The following UBE2J2 variants were observed in gnomAD, a reference collection of about 807,000 sequenced individuals.
UBE2J2 encodes ubiquitin conjugating enzyme E2 J2.
A neutral mutation model predicts 28.6 loss-of-function variants in UBE2J2; 5 were observed. The ratio of observed to expected loss-of-function variants is 0.17; its 90% CI spans 0.09 to 0.37. UBE2J2 has a LOEUF of 0.37. Ranked by LOEUF, UBE2J2 falls within the 10% of genes least tolerant of loss-of-function variation. The pLI, the probability that UBE2J2 is intolerant of heterozygous loss-of-function variation, is 1.00. For missense variants in UBE2J2, 226 were observed against 338.9 expected, an observed-to-expected ratio of 0.67 and a Z score of 2.62; for synonymous variants, 138 against 139.7, an observed-to-expected ratio of 0.99 and a Z score of 0.09.
In UBE2J2 at chr1:1,262,790, G is replaced by A. The variant is rs1276286560; in HGVS notation, c.172+556C>T. The A allele has an allele frequency of 2.3e-5, 4 of 175,360 alleles. No homozygotes were observed. In the East Asian group the frequency reaches 5.9e-4, roughly 26 times the overall value. 10.9% of individuals were successfully genotyped at this position (175,360 alleles called of 1,614,324 possible). On this transcript the variant is annotated intron_variant, in intron 3 of 6. Transcript: ENST00000349431. ...GCATCTTCTCTATAAATGACACTAG[G>A]TCTCTAGGTGGTGTCTGCTGACCTG... is the stretch of plus-strand genomic sequence containing the variant.
Position 1,262,122 on chromosome 1 carries a change from G to C in UBE2J2, c.172+1224C>G, listed in dbSNP as rs1253927162. ...TCCGCCCACCTCAGCCTCCCAAAGT[G>C]CTGGAATTACAGGCGTGAGCCACCG... is the stretch of plus-strand genomic sequence containing the variant. On this transcript the variant is annotated intron_variant, in intron 3 of 6. Coordinates refer to ENST00000349431, the MANE Select transcript of UBE2J2 (RefSeq NM_058167.3). 1.2e-5 allele frequency: 4 copies of C among 328,464 alleles called. No homozygotes were observed. In the East Asian group the frequency reaches 3.5e-4, roughly 29 times the overall value. The allele number at this position is 328,464 out of a possible 1,614,324, so 20.3% of individuals were successfully genotyped here.
chr1:1,260,469 C>T (rs549159100), intron 3 of UBE2J2, among the ~76,000 whole-genome samples: 5 of 152,034 alleles, frequency 3.3e-5, no homozygotes, highest in South Asian at 4.1e-4. Flanking sequence ...GGGAGACGGG[C>T]GCCCTGCTGC....
intron 3 of UBE2J2, among the ~76,000 whole-genome samples, chr1:1,262,605 C>T (rs1639628025): frequency 6.6e-6 from 1 of 152,252 alleles, no homozygotes; most frequent in African/African-American, 2.4e-5. Context: ...CCACCTGAAG[C>T]CGGGGCCCTG....
rs41303853 is a variant in UBE2J2, at chr1:1,255,305, G to A, written c.678C>T (p.His226=). 8.1e-3 allele frequency: 13,080 copies of A among 1,613,728 alleles called. 133 individuals are homozygous for A. Among genetic ancestry groups the A allele is most frequent in the Admixed American group, 0.042 (2,522 of 60,020 alleles). The change falls in exon 7 of 7, where the codon CAC becomes CAT. Residue 226 remains histidine (H), a synonymous_variant. Transcript: ENST00000349431. ...TCGCCAGGGCGCCACCCAGGAGTCCGTGGTGCCGGTTGGCCTGCTGGAGCC... is the reference window on the plus strand; with the variant it reads ...TCGCCAGGGCGCCACCCAGGAGTCCATGGTGCCGGTTGGCCTGCTGGAGCC... ...LAGLQQANRH[H]GLLGGALANL...
At chr1:1,267,545 G>T (rs1014155634) in intron 2 of UBE2J2, among the ~76,000 whole-genome samples, 1 of 152,122 alleles carries the variant, frequency 6.6e-6, no homozygotes, top group Non-Finnish European at 1.5e-5. Context: ...CTCCCCTAAG[G>T]ACCCCACACC....
intron 2 of UBE2J2, among the ~76,000 whole-genome samples, chr1:1,266,718 T>C (rs968205891): frequency 5.9e-5 from 9 of 151,292 alleles, no homozygotes; most frequent in African/African-American, 2.2e-4. Context: ...TCCCAGCTAC[T>C]TGGGAAACTG....
intron 3 of UBE2J2, among the ~76,000 whole-genome samples, chr1:1,261,534 G>C (rs751488801): frequency 2.0e-5 from 3 of 152,074 alleles, no homozygotes; most frequent in Non-Finnish European, 4.4e-5. Context: ...AGGGAGACTG[G>C]GTGTGGATAC....
chr1:1,265,783 C>T (rs868752566), intron 2 of UBE2J2, among the ~76,000 whole-genome samples: 2 of 151,990 alleles, frequency 1.3e-5, no homozygotes, highest in East Asian at 3.9e-4. Context: ...TACAGGCGTG[C>T]GCCACCATAC....
At chr1:1,271,929 A>G (rs1640163926) in intron 1 of UBE2J2, among the ~76,000 whole-genome samples, 1 of 148,086 alleles carries the variant, frequency 6.8e-6, no homozygotes, top group Non-Finnish European at 1.5e-5. Context: ...GGCCAAGATC[A>G]AGCCATTGCA....
chr1:1,263,376 C>T lies in UBE2J2; in HGVS notation c.142G>A (p.Val48Ile), dbSNP rs377133230. Residue 48 changes from valine (V) to isoleucine (I), a missense_variant, in exon 3 of 7, where the codon GTC becomes ATC. Val to Ile is a conservative substitution (Grantham distance 29). Coordinates refer to ENST00000349431, the MANE Select transcript of UBE2J2 (RefSeq NM_058167.3). Reference sequence around the variant, plus strand: ...TAAGGGGTCATCTCTGGGCCTCGGACGACATAGTGCCTAAGGGAGAGAAGA... The same window carrying T: ...TAAGGGGTCATCTCTGGGCCTCGGATGACATAGTGCCTAAGGGAGAGAAGA... Reference protein sequence around the residue: ...PSNILEWHYVVRGPEMTPYEG... With the variant: ...PSNILEWHYVIRGPEMTPYEG... 9 of 1,613,106 alleles carry T rather than the reference C, an allele frequency of 5.6e-6. No homozygotes were observed. The highest frequency in any genetic ancestry group is 5.3e-5 in the African/African-American group (4 of 74,902).
chr1:1,262,679 C>T (rs1639632654), intron 3 of UBE2J2, among the ~76,000 whole-genome samples: 1 of 152,194 alleles, frequency 6.6e-6, no homozygotes, highest in Non-Finnish European at 1.5e-5. Context: ...GGACAGTATT[C>T]ACGGGCACAC....
chr1:1,262,475 C>T (rs1287654630), intron 3 of UBE2J2: 2 of 365,636 alleles, frequency 5.5e-6, no homozygotes, highest in African/African-American at 2.1e-5. Context: ...CTTACCCACC[C>T]ACAACCCTCC....
At position 1,267,642 on chromosome 1, in the gene UBE2J2, C is replaced by A. The variant is rs1208403918; in HGVS notation, c.131+220G>T. On this transcript the variant is annotated intron_variant, in intron 2 of 6. Coordinates refer to ENST00000349431, the MANE Select transcript of UBE2J2 (RefSeq NM_058167.3). ...ACCGGAGATTCTCTCCAGCCCCAGC[C>A]TGAGTCAAGCATGGCTCTGTGATGT... The A allele has an allele frequency of 1.5e-5, 18 of 1,228,174 alleles. No homozygotes were observed. The South Asian group carries it at 3.0e-4, about 21-fold the overall frequency. The allele number at this position is 1,228,174 out of a possible 1,614,324, so 76.1% of individuals were successfully genotyped here. A position where few individuals can be genotyped will look rare whatever the true frequency, so the allele number is the denominator to read the frequency against.
At chr1:1,272,403 C>T (rs1405685387) in intron 1 of UBE2J2, among the ~76,000 whole-genome samples, 1 of 152,248 alleles carries the variant, frequency 6.6e-6, no homozygotes, top group Non-Finnish European at 1.5e-5. Context: ...CCCAGCGTCC[C>T]TCACCCGTCC....
At position 1,270,211 on chromosome 1, in the gene UBE2J2, C is replaced by T. The variant is rs765632866; in HGVS notation, c.1-2219G>A. Among the ~76,000 whole-genome samples the T allele has an allele frequency of 2.8e-4, 43 of 152,280 alleles. 1 individual carries two copies. The highest frequency in any genetic ancestry group is 5.2e-4 in the Admixed American group (8 of 15,292). On this transcript the variant is annotated intron_variant, in intron 1 of 6. Transcript: ENST00000349431. ...CTTTTCTTTATAAATTACTGAGTCTCGGGTACATCTTTATAGCAGCATGAG... is the reference window on the plus strand; with the variant it reads ...CTTTTCTTTATAAATTACTGAGTCTTGGGTACATCTTTATAGCAGCATGAG...
intron 3 of UBE2J2, among the ~76,000 whole-genome samples, chr1:1,258,935 G>GTGCACA (rs1639374058): frequency 6.6e-6 from 1 of 152,252 alleles, no homozygotes; most frequent in East Asian, 1.9e-4. Context: ...ACCCCAACCA[G>GTGCACA]AGGACCACAA....
intron 5 of UBE2J2, among the ~76,000 whole-genome samples, 198 bp downstream of exon 5, chr1:1,256,794 G>C: frequency 6.6e-6 from 1 of 151,392 alleles, no homozygotes; most frequent in Non-Finnish European, 1.5e-5. Flanking sequence ...GCTGAGACAG[G>C]AGAATGGCGT....
chr1:1,265,566 T>C (rs886173536), intron 2 of UBE2J2, among the ~76,000 whole-genome samples: 2 of 121,234 alleles, frequency 1.6e-5, no homozygotes, highest in Non-Finnish European at 3.3e-5. Flanking sequence ...TTTTCTCTCG[T>C]GTGTGTGTGT....
chr1:1,273,280 A>G (rs1640256684), intron 1 of UBE2J2: 1 of 152,088 alleles, frequency 6.6e-6, no homozygotes, highest in East Asian at 1.9e-4. Flanking sequence ...CTCGGGGTTT[A>G]CGGGGCAGTC....
Sources: allele counts gnomAD v4.1 joint callset (sites outside exome capture counted in the v4.1 genomes callset), GRCh38; gene constraint gnomAD v4.1.1; transcripts MANE v1.5; gene names NCBI Gene and HGNC (gene_info 2026-07-23, HGNC 2026-07-21).